CCDC138: variants seen among roughly 807,000 people sequenced by gnomAD.
CCDC138 encodes the protein coiled-coil domain-containing protein 138.
Under a neutral mutation model 82.3 loss-of-function variants are expected in CCDC138, and 66 were observed. The observed-to-expected ratio is 0.80, with a 90% confidence interval of 0.66 to 0.98. The LOEUF is 0.98. Ranked by LOEUF, CCDC138 falls within the 50% of genes least tolerant of loss-of-function variation. The probability of loss-of-function intolerance (pLI) is 0.00; values close to 1 mark genes in which losing one functional copy is unlikely to be tolerated. For synonymous variants in CCDC138, 297 were observed against 265.4 expected (o/e 1.12, Z -1.16); for missense variants, 816 against 758.9 (o/e 1.08, Z -0.88).
intron 4 of CCDC138, among the ~76,000 whole-genome samples, chr2:108,792,929 T>C (rs1680150294): frequency 6.8e-6 from 1 of 147,690 alleles, no homozygotes; most frequent in Non-Finnish European, 1.5e-5. Flanking sequence ...CCAGGCATGG[T>C]AGCACGTGCC....
intron 13 of CCDC138, among the ~76,000 whole-genome samples, chr2:108,865,485 T>C (rs1170820328): frequency 6.6e-6 from 1 of 152,226 alleles, no homozygotes; most frequent in African/African-American, 2.4e-5. Flanking sequence ...TGTTGATGTT[T>C]TTGTGCCATA....
chr2:108,839,992 G>A (rs1689192068), intron 11 of CCDC138, among the ~76,000 whole-genome samples: 1 of 151,846 alleles, frequency 6.6e-6, no homozygotes, highest in Non-Finnish European at 1.5e-5. Context: ...TATAATATTA[G>A]CTGTAGTATT....
intron 13 of CCDC138, among the ~76,000 whole-genome samples, chr2:108,863,548 A>C (rs1165481697): frequency 2.0e-5 from 3 of 152,106 alleles, no homozygotes; most frequent in African/African-American, 7.2e-5. Context: ...CATCATCAAG[A>C]CTTGGGGTTT....
rs779749793 is a variant in CCDC138 at position 108,873,440 on chromosome 2, T to A, written c.1694-11T>A. ...TCCCTAATAGTAAAGCACTGTTGAT[T>A]TGTTTTGCAGAATCCTTGCAGCCTT... On this transcript the variant is annotated splice_polypyrimidine_tract_variant and intron_variant, in intron 13 of 14. Transcript: ENST00000295124. 22 of 1,573,926 alleles carry A rather than the reference T, an allele frequency of 1.4e-5. No homozygotes were observed. In the East Asian group the frequency reaches 4.7e-4, roughly 34 times the overall value.
chr2:108,858,811 G>A lies in CCDC138; in HGVS notation c.1693+1841G>A, dbSNP rs574057425. Among the ~76,000 whole-genome samples, 5 of 151,926 alleles carry A rather than the reference G, an allele frequency of 3.3e-5. No homozygotes were observed. In the East Asian group the frequency reaches 7.7e-4, roughly 23 times the overall value. On this transcript the variant is annotated intron_variant, in intron 13 of 14. Coordinates refer to ENST00000295124, the MANE Select transcript of CCDC138 (RefSeq NM_144978.3). ...ACTGAACTCGTCATTTAGGATAATG[G>A]CATCCAGCTGCATCCATGTTGCTGC... is the stretch of plus-strand genomic sequence containing the variant.
intron 10 of CCDC138, among the ~76,000 whole-genome samples, chr2:108,817,780 C>G (rs1269167475): frequency 2.0e-5 from 3 of 152,124 alleles, no homozygotes. Flanking sequence ...GGCTGAGACC[C>G]ATTTTAGACT....
chr2:108,876,029 C>A, intron 14 of CCDC138, 59 bp from the exon 15 acceptor site: 2 of 1,066,404 alleles, frequency 1.9e-6, no homozygotes, highest in Non-Finnish European at 2.8e-6. Context: ...CTGTCAGTGT[C>A]ATTGCAGATA....
intron 4 of CCDC138, among the ~76,000 whole-genome samples, chr2:108,792,283 A>G (rs1328136628): frequency 4.6e-5 from 7 of 152,304 alleles, no homozygotes; most frequent in African/African-American, 1.4e-4. Context: ...TATGGTCTAC[A>G]CACAACAACA....
In CCDC138 at chr2:108,839,296, G is replaced by A. The variant is rs192743350; in HGVS notation, c.1318G>A (p.Ala440Thr). 7.5e-5 allele frequency: 121 copies of A among 1,609,266 alleles called. No individual in the cohort carries two copies. Among genetic ancestry groups the A allele is most frequent in the Non-Finnish European group, 9.9e-5 (117 of 1,177,982 alleles). Reference protein sequence around the residue: ...YWSLRQLDAGAQHSTMTSTLR... With the variant: ...YWSLRQLDAGTQHSTMTSTLR... ...GTCCCTAAGGCAGCTAGATGCTGGA[G>A]CACAGGTAATTGGTTAATAGGAATT... is the stretch of plus-strand genomic sequence containing the variant. Residue 440 changes from alanine (A) to threonine (T), a missense_variant, in exon 11 of 15, where the codon GCA becomes ACA. Transcript: ENST00000295124.
chr2:108,816,202 T>G, intron 10 of CCDC138, 97 bp downstream of exon 10: 2 of 904,608 alleles, frequency 2.2e-6, no homozygotes, highest in Non-Finnish European at 3.4e-6. Context: ...TATAATCCCA[T>G]CACTTTGGGA....
chr2:108,882,733 T>C (rs928841564), exon 2 of CCDC138: 7 of 152,210 alleles, frequency 4.6e-5, no homozygotes, highest in African/African-American at 1.7e-4. Flanking sequence ...GCCTCCTCTT[T>C]CTCTCACCAT....
chr2:108,799,770 A>G (rs1021048541), intron 6 of CCDC138, among the ~76,000 whole-genome samples: 8 of 151,956 alleles, frequency 5.3e-5, no homozygotes, highest in African/African-American at 1.9e-4. Flanking sequence ...TCCTTGTGCT[A>G]TTTCCCCAAA....
intron 10 of CCDC138, among the ~76,000 whole-genome samples, chr2:108,837,077 CT>C (rs1205447806): frequency 6.6e-6 from 1 of 152,092 alleles, no homozygotes; most frequent in African/African-American, 2.4e-5. Context: ...CTGGCTGGTA[CT>C]ATAGTGAACA....
At chr2:108,798,627 CT>C in intron 6 of CCDC138, 41 bp downstream of exon 6, 1 of 1,465,660 alleles carries the variant, frequency 6.8e-7, no homozygotes. Flanking sequence ...TATATTTCTT[CT>C]TTTCTTCTTA....
At chr2:108,797,390 A>G (rs144657416) in intron 5 of CCDC138, among the ~76,000 whole-genome samples, 1,621 of 152,336 alleles carry the variant, frequency 0.011, 37 homozygotes, top group African/African-American at 0.037. Flanking sequence ...TCAATAAAAT[A>G]AGGACTGAAA....
chr2:108,855,665 T>C (rs1332949776), intron 12 of CCDC138, among the ~76,000 whole-genome samples: 1 of 152,214 alleles, frequency 6.6e-6, no homozygotes, highest in Non-Finnish European at 1.5e-5. Flanking sequence ...TGGAGTGTAC[T>C]ATAATTGATC....
chr2:108,815,595 A>T (rs1684650046), intron 9 of CCDC138, among the ~76,000 whole-genome samples: 1 of 149,574 alleles, frequency 6.7e-6, no homozygotes, highest in South Asian at 2.1e-4. Flanking sequence ...CCTTCCGAGT[A>T]GCTGGGATTA....
intron 6 of CCDC138, among the ~76,000 whole-genome samples, chr2:108,803,510 C>G (rs1462838647): frequency 6.6e-6 from 1 of 152,182 alleles, no homozygotes; most frequent in Non-Finnish European, 1.5e-5. Context: ...TGGCTATGCA[C>G]AGACGTCATC....
chr2:108,836,938 G>A (rs1252053329), intron 10 of CCDC138, among the ~76,000 whole-genome samples: 1 of 151,028 alleles, frequency 6.6e-6, no homozygotes, highest in East Asian at 1.9e-4. Flanking sequence ...CTGAATTTAT[G>A]TATTCTTTTT....
Sources: gnomAD v4.1 joint callset for allele counts (sites outside exome capture counted in the v4.1 genomes callset) on GRCh38, gnomAD v4.1.1 for gene constraint, MANE v1.5 for transcripts, NCBI Gene and HGNC (gene_info 2026-07-23, HGNC 2026-07-21) for gene names.